The following GRM7 variants were observed in gnomAD, a reference collection of about 807,000 sequenced individuals.
GRM7 encodes metabotropic glutamate receptor 7.
A neutral mutation model predicts 84.5 loss-of-function variants in GRM7; 35 were observed. The ratio of observed to expected loss-of-function variants is 0.41; its 90% CI spans 0.32 to 0.55. GRM7 has a LOEUF of 0.55. Among genes scored for constraint, GRM7 ranks in the 20% least tolerant of loss-of-function variants. The probability of loss-of-function intolerance (pLI) is 0.19; values close to 1 mark genes in which losing one functional copy is unlikely to be tolerated. For missense variants in GRM7, 1,003 were observed against 1,194.6 expected, an observed-to-expected ratio of 0.84 and a Z score of 2.36; for synonymous variants, 487 against 455.1, an observed-to-expected ratio of 1.07 and a Z score of -0.89.
intron 9 of GRM7, among the ~76,000 whole-genome samples, chr3:7,697,064 G>A (rs760013480): frequency 6.6e-5 from 10 of 151,890 alleles, no homozygotes; most frequent in Non-Finnish European, 1.3e-4. Flanking sequence ...GCCAGATAAG[G>A]GATTGAGAAA....
At chr3:7,551,778 C>G (rs1019209131) in intron 7 of GRM7, among the ~76,000 whole-genome samples, 1 of 151,954 alleles carries the variant, frequency 6.6e-6, no homozygotes, top group Non-Finnish European at 1.5e-5. Context: ...TATCACAGTG[C>G]CTGGTACATG....
intron 4 of GRM7, among the ~76,000 whole-genome samples, chr3:7,336,614 C>T (rs112615475): frequency 4.5e-3 from 677 of 152,104 alleles, no homozygotes; most frequent in Non-Finnish European, 8.0e-3. Flanking sequence ...TCTCTGTTCA[C>T]TGATGATATG....
chr3:6,927,508 A>AGAAG (rs1697353443), intron 1 of GRM7, among the ~76,000 whole-genome samples: 1 of 147,744 alleles, frequency 6.8e-6, no homozygotes, highest in African/African-American at 2.4e-5. Context: ...AAAGAAAGAA[A>AGAAG]GAAAGAAAGA....
chr3:7,415,623 T>C (rs1002390231), intron 5 of GRM7, among the ~76,000 whole-genome samples: 1 of 152,206 alleles, frequency 6.6e-6, no homozygotes, highest in Non-Finnish European at 1.5e-5. Context: ...TTACCTATTA[T>C]TTAAAATATT....
intron 1 of GRM7, among the ~76,000 whole-genome samples, chr3:7,023,187 G>A (rs1168632840): frequency 2.0e-5 from 3 of 152,152 alleles, no homozygotes; most frequent in East Asian, 1.9e-4. Context: ...CGGGCCTGGT[G>A]ATGACTAACC....
intron 2 of GRM7, among the ~76,000 whole-genome samples, chr3:7,221,581 C>T (rs1056674198): frequency 6.6e-6 from 1 of 151,760 alleles, no homozygotes; most frequent in African/African-American, 2.4e-5. Context: ...GGGTGTTCCA[C>T]CATGATTTTA....
At chr3:7,403,484 T>C (rs1234523172) in intron 4 of GRM7, among the ~76,000 whole-genome samples, 1 of 151,094 alleles carries the variant, frequency 6.6e-6, no homozygotes, top group Admixed American at 6.6e-5. Flanking sequence ...ATATTACTCA[T>C]TAAATCTTGG....
At chr3:7,115,571 A>G (rs1693003458) in intron 1 of GRM7, among the ~76,000 whole-genome samples, 1 of 152,152 alleles carries the variant, frequency 6.6e-6, no homozygotes, top group African/African-American at 2.4e-5. Flanking sequence ...TGATAACTCC[A>G]TCTCTGCTTT....
chr3:7,328,400 C>T (rs12634635), intron 4 of GRM7, among the ~76,000 whole-genome samples: 2,216 of 152,262 alleles, frequency 0.015, 42 homozygotes, highest in East Asian at 0.051. Context: ...AGGTACTTAA[C>T]AATTAGTATT....
At chr3:7,127,012 A>G (rs1348163377) in intron 1 of GRM7, among the ~76,000 whole-genome samples, 1 of 152,266 alleles carries the variant, frequency 6.6e-6, no homozygotes, top group Non-Finnish European at 1.5e-5. Context: ...AAAGGTGGCC[A>G]GTGGCCAGAA....
At chr3:7,455,168 G>A (rs1697952900) in intron 6 of GRM7, among the ~76,000 whole-genome samples, 1 of 152,104 alleles carries the variant, frequency 6.6e-6, no homozygotes, top group African/African-American at 2.4e-5. Flanking sequence ...AGTCCATACT[G>A]ATATCAGTAA....
At position 6,938,727 on chromosome 3, in the gene GRM7, A is replaced by G. The variant is rs545725733; in HGVS notation, c.519+76820A>G. ...TTTAAAGGTGAGCCACTTCTGGGAA[A>G]TTCTGGACCATGAAGGTTTTGTTCA... On this transcript the variant is annotated intron_variant, in intron 1 of 9. Transcript: ENST00000357716. Among the ~76,000 whole-genome samples, 91 of 152,284 alleles carry G rather than the reference A, an allele frequency of 6.0e-4. 2 individuals carry two copies. The highest frequency in any genetic ancestry group is 2.2e-3 in the African/African-American group (90 of 41,554).
intron 7 of GRM7, among the ~76,000 whole-genome samples, chr3:7,502,483 C>T (rs908510367): frequency 6.6e-6 from 1 of 151,998 alleles, no homozygotes; most frequent in Admixed American, 6.6e-5. Flanking sequence ...TGATTTCTTC[C>T]AAGTCTAAGA....
chr3:7,551,470 G>A (rs1057013354), intron 7 of GRM7, among the ~76,000 whole-genome samples: 7 of 152,080 alleles, frequency 4.6e-5, no homozygotes, highest in South Asian at 4.1e-4. Context: ...TAGGAGTCTT[G>A]TGTCTTCTTC....
chr3:7,281,915 T>C (rs1314886465), intron 2 of GRM7, among the ~76,000 whole-genome samples: 1 of 152,170 alleles, frequency 6.6e-6, no homozygotes, highest in Non-Finnish European at 1.5e-5. Context: ...ACCCCGTCCC[T>C]ACTAAAATAC....
chr3:7,334,403 G>T (rs988132239), intron 4 of GRM7, among the ~76,000 whole-genome samples: 1 of 151,826 alleles, frequency 6.6e-6, no homozygotes, highest in African/African-American at 2.4e-5. Context: ...ACTAAAAAGG[G>T]TTCTAAATCT....
At chr3:7,403,858 T>G (rs1313627311) in intron 4 of GRM7, among the ~76,000 whole-genome samples, 1 of 151,756 alleles carries the variant, frequency 6.6e-6, no homozygotes, top group Non-Finnish European at 1.5e-5. Flanking sequence ...GATAGATAGA[T>G]ATGCTCAAAT....
intron 7 of GRM7, among the ~76,000 whole-genome samples, chr3:7,503,808 G>A (rs1027286105): frequency 2.0e-5 from 3 of 152,090 alleles, no homozygotes; most frequent in South Asian, 2.1e-4. Context: ...CAGGCCAGAC[G>A]AGATATATAA....
intron 7 of GRM7, among the ~76,000 whole-genome samples, chr3:7,473,851 A>G (rs1274245806): frequency 6.6e-6 from 1 of 152,216 alleles, no homozygotes; most frequent in Admixed American, 6.5e-5. Flanking sequence ...TTCAGGACCA[A>G]CAACAAACCA....
Sources: allele counts gnomAD v4.1 joint callset (sites outside exome capture counted in the v4.1 genomes callset), GRCh38; gene constraint gnomAD v4.1.1; transcripts MANE v1.5; gene names NCBI Gene and HGNC (gene_info 2026-07-23, HGNC 2026-07-21).